SF3A1: variants seen among roughly 807,000 people sequenced by gnomAD.
SF3A1 encodes the protein SAP 114.
In SF3A1, 13 loss-of-function variants were observed where a neutral mutation model predicts 89.9. The observed-to-expected ratio is 0.14, with a 90% CI of 0.09 to 0.23. The LOEUF (loss-of-function observed/expected upper bound fraction) is 0.23, where lower values mean the gene tolerates loss of function less well. Among genes scored for constraint, SF3A1 ranks in the 10% least tolerant of loss-of-function variants. The pLI, the probability that SF3A1 is intolerant of heterozygous loss-of-function variation, is 1.00. For missense variants in SF3A1, 604 were observed against 1,022.1 expected (o/e 0.59, Z 5.58); for synonymous variants, 405 against 374.4 (o/e 1.08, Z -0.94).
intron 5 of SF3A1, 49 bp downstream of exon 5, chr22:30,342,756 A>ACAGCATTT: frequency 8.2e-7 from 1 of 1,218,536 alleles, no homozygotes; most frequent in South Asian, 1.2e-5. Flanking sequence ...CAGACATAAA[A>ACAGCATTT]CAGAACCAAC....
chr22:30,346,299 C>G lies in SF3A1; in HGVS notation c.393+13G>C. ...AAGCCCTGCGTAAGTGAAGGGGGCA[C>G]TGGGCTCCAAACCTTCTGGGGCAGC... is the stretch of plus-strand genomic sequence containing the variant. On this transcript the variant is annotated intron_variant, in intron 3 of 15. Transcript: ENST00000215793. 1 of 1,573,356 alleles carries G rather than the reference C, an allele frequency of 6.4e-7. No individual in the cohort carries two copies. Among genetic ancestry groups the G allele is most frequent in the Non-Finnish European group, 8.7e-7 (1 of 1,143,250 alleles).
intron 1 of SF3A1, among the ~76,000 whole-genome samples, chr22:30,354,110 A>G (rs1259578923): frequency 6.6e-6 from 1 of 152,122 alleles, no homozygotes; most frequent in African/African-American, 2.4e-5. Context: ...ACGATCCCAT[A>G]AGTACCAATA....
chr22:30,337,365 G>A (rs1931101713), intron 12 of SF3A1, among the ~76,000 whole-genome samples, 185 bp from the exon 13 acceptor site: 1 of 152,190 alleles, frequency 6.6e-6, no homozygotes, highest in South Asian at 2.1e-4. Flanking sequence ...TGCCCAGATT[G>A]GACAGCAGAG....
intron 4 of SF3A1, 103 bp downstream of exon 4, chr22:30,344,830 G>A (rs1028502736): frequency 7.5e-7 from 1 of 1,334,910 alleles, no homozygotes; most frequent in African/African-American, 1.5e-5. Context: ...AGGCCCCATG[G>A]AGAAGCGATG....
intron 9 of SF3A1, 139 bp downstream of exon 9, chr22:30,340,057 G>T: frequency 3.0e-6 from 2 of 664,390 alleles, no homozygotes; most frequent in Non-Finnish European, 4.6e-6. Context: ...GGAAAGTGGG[G>T]AGTTCTCTTG....
At chr22:30,340,137 A>T in intron 9 of SF3A1, 59 bp downstream of exon 9, 1 of 1,371,176 alleles carries the variant, frequency 7.3e-7, no homozygotes, top group African/African-American at 1.5e-5. Context: ...ATGTTTGCTT[A>T]GAAGAAGATG....
At chr22:30,342,434 A>T in intron 5 of SF3A1, 84 bp from the exon 6 acceptor site, 1 of 1,428,534 alleles carries the variant, frequency 7.0e-7, no homozygotes, top group South Asian at 1.2e-5. Flanking sequence ...CTTTCATCAA[A>T]GTCAGCGCCT....
intron 11 of SF3A1, 71 bp from the exon 12 acceptor site, chr22:30,337,968 C>T: frequency 9.3e-7 from 1 of 1,078,940 alleles, no homozygotes; most frequent in Non-Finnish European, 1.4e-6. Context: ...CAGTTGGCAA[C>T]TGGCTGCCTG....
intron 3 of SF3A1, 127 bp downstream of exon 3, chr22:30,346,185 G>A (rs2145814420): frequency 2.8e-6 from 2 of 712,190 alleles, no homozygotes; most frequent in East Asian, 2.5e-5. Context: ...GCCTCTGAGA[G>A]ATGGGGATAA....
In SF3A1 at chr22:30,345,141, G is replaced by A; in HGVS notation, c.443C>T (p.Pro148Leu). 6.2e-7 allele frequency: 1 copy of A among 1,614,214 alleles called. No individual in the cohort carries two copies. Among genetic ancestry groups the A allele is most frequent in the Non-Finnish European group, 8.5e-7 (1 of 1,180,014 alleles). Residue 148 changes from proline to leucine, a missense_variant, in exon 4 of 16, where the codon CCT becomes CTT. Around this residue, in one of 9 missense-constraint regions of SF3A1, gnomAD observed 162 missense variants for 229.2 expected, o/e 0.71. Transcript: ENST00000215793. ...QETIVPKEPP[P>L]EFEFIADPPS... ...AGGATCAGCAATGAACTCAAACTCA[G>A]GAGGAGGCTCTTTGGGCACGATGGT...
chr22:30,348,115 C>T (rs1931474398), intron 2 of SF3A1, among the ~76,000 whole-genome samples: 1 of 152,234 alleles, frequency 6.6e-6, no homozygotes, highest in Admixed American at 6.5e-5. Flanking sequence ...GGATTATAGG[C>T]GTGAGCCACT....
At position 30,335,749 on chromosome 22, in the gene SF3A1, G is replaced by A. The variant is rs1931045830; in HGVS notation, c.2111C>T (p.Pro704Leu). ...EEEFLRRNKG[P>L]VSIKVQVPNM... is the part of the protein sequence containing the mutation. Reference sequence around the variant, plus strand: ...GGGCACCTGGACTTTGATGGACACTGGACCCTACAAAACAGGAGGTGGTCA... The same window carrying A: ...GGGCACCTGGACTTTGATGGACACTAGACCCTACAAAACAGGAGGTGGTCA... The change falls in exon 14 of 16, where the codon CCA becomes CTA. Residue 704 changes from proline (P) to leucine (L), a missense_variant. This residue lies in a region of SF3A1 where 74 missense variants were observed against 141.3 expected (regional missense o/e 0.52). Coordinates refer to ENST00000215793, the MANE Select transcript of SF3A1 (RefSeq NM_005877.6). 1.9e-6 allele frequency: 3 copies of A among 1,613,826 alleles called. No individual in the cohort carries two copies. In the South Asian group the frequency reaches 3.3e-5, roughly 18 times the overall value.
At chr22:30,348,670 T>C (rs2145817764) in intron 2 of SF3A1, among the ~76,000 whole-genome samples, 1 of 152,228 alleles carries the variant, frequency 6.6e-6, no homozygotes, top group East Asian at 1.9e-4. Flanking sequence ...TTTGACAGTA[T>C]ATTAGTCTAA....
chr22:30,341,938 GCCCTGTCTGAGCTC>G, intron 6 of SF3A1, 53 bp from the exon 7 acceptor site: 2 of 1,555,024 alleles, frequency 1.3e-6, no homozygotes, highest in South Asian at 2.3e-5. Context: ...CCACCTATTT[GCCCTGTCTGAGCTC>G]CCCAAGGGCT....
At chr22:30,355,815 T>TCCCCCCCCCCCCCCC (rs11451197) in intron 1 of SF3A1, among the ~76,000 whole-genome samples, 11 of 92,276 alleles carry the variant, frequency 1.2e-4, no homozygotes, top group African/African-American at 1.4e-4. Context: ...TCAGTCATGT[T>TCCCCCCCCCCCCCCC]CCCCCCCCCC....
chr22:30,342,677 C>A, intron 5 of SF3A1, 128 bp downstream of exon 5: 1 of 712,550 alleles, frequency 1.4e-6, no homozygotes, highest in Non-Finnish European at 2.4e-6. Flanking sequence ...CCTTTGTAGC[C>A]AACAAAGCCT....
chr22:30,347,439 G>A (rs1240639915), intron 2 of SF3A1, among the ~76,000 whole-genome samples: 1 of 152,142 alleles, frequency 6.6e-6, no homozygotes, highest in Non-Finnish European at 1.5e-5. Context: ...GCTGTATAAG[G>A]CACCTTCAGA....
chr22:30,337,631 A>C, intron 12 of SF3A1, 59 bp downstream of exon 12: 1 of 806,414 alleles, frequency 1.2e-6, no homozygotes, highest in Non-Finnish European at 2.1e-6. Context: ...CTCTGCTGAC[A>C]GTACTTGGCC....
chr22:30,339,116 C>T lies in SF3A1; in HGVS notation c.1497+14G>A, dbSNP rs376229808. On this transcript the variant is annotated intron_variant, in intron 10 of 15. Coordinates refer to ENST00000215793, the MANE Select transcript of SF3A1 (RefSeq NM_005877.6). ...GGGGGGCAGAGAAGGCACTAGGTTC[C>T]ACTTTAGCCGCACCTTTTCCTCTGG... 12 of 1,614,088 alleles carry T rather than the reference C, an allele frequency of 7.4e-6. No individual in the cohort carries two copies. The African/African-American group carries it at 1.6e-4, about 22-fold the overall frequency.
Sources: allele counts gnomAD v4.1 joint callset (sites outside exome capture counted in the v4.1 genomes callset), GRCh38; gene constraint gnomAD v4.1.1; regional missense constraint gnomAD v4.1.1; transcripts MANE v1.5; gene names NCBI Gene and HGNC (gene_info 2026-07-23, HGNC 2026-07-21).